CDH26: variants seen among roughly 807,000 people sequenced by gnomAD.
CDH26 encodes cadherin-like protein 26.
In CDH26, 83 loss-of-function variants were observed where a neutral mutation model predicts 90.3. That is an observed-to-expected ratio of 0.92 (90% CI 0.77 to 1.10). The LOEUF (loss-of-function observed/expected upper bound fraction) is 1.10, where lower values mean the gene tolerates loss of function less well. CDH26 is among the 50% of genes least tolerant of loss of function. The probability of loss-of-function intolerance (pLI) is 0.00; values close to 1 mark genes in which losing one functional copy is unlikely to be tolerated. For missense variants in CDH26, 1,013 were observed against 1,037.6 expected (o/e 0.98, Z 0.33); for synonymous variants, 397 against 396.3 (o/e 1.00, Z -0.02).
intron 9 of CDH26, among the ~76,000 whole-genome samples, chr20:59,991,163 G>A (rs1417125492): frequency 6.6e-6 from 1 of 152,170 alleles, no homozygotes; most frequent in Non-Finnish European, 1.5e-5. Flanking sequence ...AGCTCCCAAG[G>A]GTGCCCATGA....
intron 7 of CDH26, among the ~76,000 whole-genome samples, chr20:60,031,018 G>A (rs2062035897): frequency 6.6e-6 from 1 of 152,212 alleles, no homozygotes; most frequent in Non-Finnish European, 1.5e-5. Flanking sequence ...GCTGCTGGTT[G>A]CACATTTTTA....
Position 60,012,581 on chromosome 20 carries a change from TACAGCGAGG to T in CDH26, c.2352_2360del (p.Tyr784_Glu787delinsTer). On this transcript the variant is annotated stop_gained and inframe_deletion, in exon 18 of 18. Coordinates refer to ENST00000348616, the MANE Select transcript of CDH26 (RefSeq NM_177980.4). LOFTEE classifies it low-confidence loss of function (END_TRUNC). ...TGACCCCGGCTACCTACCTCACGTC[TACAGCGAGG>T]AAGGGGAGTGTGGAGGGGCCCCATC... 1 of 1,614,082 alleles carries T rather than the reference TACAGCGAGG, an allele frequency of 6.2e-7. No individual in the cohort carries two copies. The highest frequency in any genetic ancestry group is 8.5e-7 in the Non-Finnish European group (1 of 1,179,990).
At chr20:60,023,579 G>A (rs1420699704) in intron 7 of CDH26, among the ~76,000 whole-genome samples, 9 of 151,372 alleles carry the variant, frequency 5.9e-5, no homozygotes, top group Non-Finnish European at 7.4e-5. Context: ...AAAAAAAAAA[G>A]CATTAGCTGC....
downstream of CDH26, among the ~76,000 whole-genome samples, chr20:60,017,472 A>G (rs928284837): frequency 6.6e-6 from 1 of 151,794 alleles, no homozygotes; most frequent in African/African-American, 2.4e-5. Context: ...TTTTGTTTCA[A>G]TTTTATTTAC....
downstream of CDH26, among the ~76,000 whole-genome samples, chr20:60,034,528 C>A (rs1242872507): frequency 6.6e-6 from 1 of 152,104 alleles, no homozygotes; most frequent in Non-Finnish European, 1.5e-5. Flanking sequence ...GCTAAAAATA[C>A]CTTGGTCAGG....
intron 1 of CDH26, among the ~76,000 whole-genome samples, chr20:59,964,119 T>TAAAAACTTGCATTTAAAAATG (rs1227840907): frequency 6.6e-6 from 1 of 152,216 alleles, no homozygotes; most frequent in Non-Finnish European, 1.5e-5. Flanking sequence ...TCTGCTTAAA[T>TAAAAACTTGCATTTAAAAATG]AAAAACTTGC....
At position 59,982,986 on chromosome 20, in the gene CDH26, A is replaced by G. The variant is rs2145984026; in HGVS notation, c.457A>G (p.Ile153Val). ...KIVDTSLIFNIRISDVNDHAP... is the reference protein window; with the variant it reads ...KIVDTSLIFNVRISDVNDHAP... ...TGTGGATACATCCTTGATTTTCAAC[A>G]TTAGGATCAGTGATGTGAATGATCA... The change falls in exon 5 of 18, where the codon ATT (isoleucine) becomes GTT (valine). Residue 153 changes from isoleucine to valine, a missense_variant. Coordinates refer to ENST00000348616, the MANE Select transcript of CDH26 (RefSeq NM_177980.4). 1 of 1,614,126 alleles carries G rather than the reference A, an allele frequency of 6.2e-7. No homozygotes were observed. Among genetic ancestry groups the G allele is most frequent in the Non-Finnish European group, 8.5e-7 (1 of 1,179,990 alleles).
chr20:59,983,165 G>A (rs2061414649), intron 5 of CDH26, 95 bp downstream of exon 5: 1 of 1,442,534 alleles, frequency 6.9e-7, no homozygotes, highest in Admixed American at 2.1e-5. Context: ...GTCATCTTCA[G>A]GGAGAGTTTT....
chr20:60,020,992 C>T (rs962327715), intron 7 of CDH26, among the ~76,000 whole-genome samples: 3 of 152,178 alleles, frequency 2.0e-5, no homozygotes, highest in Admixed American at 6.5e-5. Flanking sequence ...TGCAGATGCA[C>T]GGTGCCTCTA....
intron 1 of CDH26, among the ~76,000 whole-genome samples, chr20:59,959,763 A>T (rs1157638066): frequency 1.3e-5 from 2 of 152,170 alleles, no homozygotes; most frequent in African/African-American, 4.8e-5. Context: ...AGTTGTCTGG[A>T]TCCAAGGCAA....
At chr20:60,024,900 G>A (rs185816282) in intron 7 of CDH26, among the ~76,000 whole-genome samples, 1 of 152,348 alleles carries the variant, frequency 6.6e-6, no homozygotes, top group Admixed American at 6.5e-5. Flanking sequence ...GATTCATGTA[G>A]TGGCAGCAGA....
Position 59,984,760 on chromosome 20 carries a change from T to A in CDH26, c.663T>A (p.Asp221Glu), listed in dbSNP as rs2061431861. 6.2e-7 allele frequency: 1 copy of A among 1,613,910 alleles called. No homozygotes were observed. The highest frequency in any genetic ancestry group is 2.2e-5 in the East Asian group (1 of 44,884). ...TGAAAGAAAGTGGTTTCCGGGTTGA[T>A]CGCCTTAGTGGAGAAATACGACTCT... ...PLLKESGFRV[D>E]RLSGEIRLSG... is the part of the protein sequence containing the mutation. Residue 221 changes from aspartate to glutamate, a missense_variant, in exon 6 of 18, where the codon GAT becomes GAA. Physicochemically the swap from Asp to Glu is conservative, Grantham distance 45. Transcript: ENST00000348616.
chr20:59,974,174 AC>A (rs1441479133), intron 4 of CDH26, among the ~76,000 whole-genome samples: 4 of 152,122 alleles, frequency 2.6e-5, no homozygotes, highest in Non-Finnish European at 2.9e-5. Flanking sequence ...TCATATGCTT[AC>A]TGGCCACAAG....
chr20:60,009,035 G>C (rs903527795), intron 17 of CDH26, among the ~76,000 whole-genome samples: 2 of 152,150 alleles, frequency 1.3e-5, no homozygotes. Flanking sequence ...CTCCCGAGCC[G>C]ACTGTAACCT....
chr20:59,966,043 C>T (rs960612877), intron 1 of CDH26, among the ~76,000 whole-genome samples: 5 of 151,938 alleles, frequency 3.3e-5, no homozygotes, highest in African/African-American at 1.2e-4. Flanking sequence ...TTGGCAGACA[C>T]AAGTTTTCTA....
At chr20:59,973,599 T>C (rs1417836246) in intron 4 of CDH26, among the ~76,000 whole-genome samples, 1 of 152,148 alleles carries the variant, frequency 6.6e-6, no homozygotes, top group Non-Finnish European at 1.5e-5. Flanking sequence ...TGTGTGTCCA[T>C]GTGTTCTCAT....
chr20:60,021,859 C>CACACACACACACACACACACACACAT (rs1569068562), intron 7 of CDH26, among the ~76,000 whole-genome samples: 23 of 68,214 alleles, frequency 3.4e-4, no homozygotes, highest in South Asian at 1.1e-3. Context: ...TACACACACA[C>CACACACACACACACACACACACACAT]ACACACACAC....
Position 59,969,018 on chromosome 20 carries a change from AC to A in CDH26, c.122del (p.Thr41LysfsTer48). 2 of 1,590,678 alleles carry A rather than the reference AC, an allele frequency of 1.3e-6. No homozygotes were observed. Among genetic ancestry groups the A allele is most frequent in the Non-Finnish European group, 1.7e-6 (2 of 1,159,748 alleles). On this transcript the variant is annotated frameshift_variant, in exon 2 of 18. Coordinates refer to ENST00000348616, the MANE Select transcript of CDH26 (RefSeq NM_177980.4). LOFTEE classifies it high-confidence loss of function. The part of the protein sequence containing the change: ...QQETDDLTKQ[T>X]KEKIYQPLRR... ...GGAAACAGATGATCTTACTAAGCAA[AC>A]AAAGGTGAGGTTTGGAAGTCAGTTT...
At chr20:59,985,957 G>A (rs920778749) in intron 7 of CDH26, 1 of 152,248 alleles carries the variant, frequency 6.6e-6, no homozygotes. Context: ...ACTGACACTG[G>A]GCCAGATGAT....
Sources: gnomAD v4.1 joint callset for allele counts (sites outside exome capture counted in the v4.1 genomes callset) on GRCh38, gnomAD v4.1.1 for gene constraint, MANE v1.5 for transcripts, NCBI Gene and HGNC (gene_info 2026-07-23, HGNC 2026-07-21) for gene names.